Variants in SLC38A3 observed in about 807,000 individuals in gnomAD.
SLC38A3 encodes sodium-coupled neutral amino acid transporter 3.
SLC38A3 carries 17 observed loss-of-function variants against 59.5 expected under a neutral mutation model. The observed-to-expected ratio is 0.29, with a 90% CI of 0.20 to 0.43. The LOEUF is 0.43. SLC38A3 is among the 20% of genes least tolerant of loss of function. The probability of loss-of-function intolerance (pLI) is 1.00; values close to 1 mark genes in which losing one functional copy is unlikely to be tolerated. For synonymous variants in SLC38A3, 238 were observed against 260.3 expected (o/e 0.91, Z 0.82); for missense variants, 454 against 653.9 (o/e 0.69, Z 3.33).
chr3:50,206,485 A>C (rs2109147400), intron 1 of SLC38A3, among the ~76,000 whole-genome samples: 1 of 152,352 alleles, frequency 6.6e-6, no homozygotes, highest in Admixed American at 6.5e-5. Flanking sequence ...TCTGGAAAGG[A>C]AGCACATCCC....
At chr3:50,208,930 G>A (rs1251276552) in intron 1 of SLC38A3, among the ~76,000 whole-genome samples, 2 of 152,166 alleles carry the variant, frequency 1.3e-5, no homozygotes, top group African/African-American at 4.8e-5. Context: ...CCCTCCTCCA[G>A]GCCGACCTTG....
rs774007796 is a variant in SLC38A3 at position 50,214,392 on chromosome 3, G to A, written c.102-10G>A. On this transcript the variant is annotated splice_polypyrimidine_tract_variant and intron_variant, in intron 2 of 15. Transcript: ENST00000614032. The surrounding 1 kb of genome is among the most constrained non-coding windows in gnomAD (Gnocchi z 6.0). ...GGAGCTGAGCCACCCACCCTGACCTGTGCCTACAGGGTCGAGGACCCTGCA... is the reference window on the plus strand; with the variant it reads ...GGAGCTGAGCCACCCACCCTGACCTATGCCTACAGGGTCGAGGACCCTGCA... 4 of 1,596,278 alleles carry A rather than the reference G, an allele frequency of 2.5e-6. No individual in the cohort carries two copies. Among genetic ancestry groups the A allele is most frequent in the Non-Finnish European group, 3.4e-6 (4 of 1,171,430 alleles).
At chr3:50,210,810 G>A (rs561073531) in intron 1 of SLC38A3, among the ~76,000 whole-genome samples, 1 of 152,270 alleles carries the variant, frequency 6.6e-6, no homozygotes, top group South Asian at 2.1e-4. Flanking sequence ...AATGGCCTGG[G>A]CCATTGATTT....
Position 50,217,114 on chromosome 3 carries a change from C to T in SLC38A3, c.549-124C>T. 1.4e-6 allele frequency: 1 copy of T among 697,306 alleles called. No homozygotes were observed. The highest frequency in any genetic ancestry group is 2.1e-5 in the Admixed American group (1 of 47,836). 43.2% of individuals were successfully genotyped at this position (697,306 alleles called of 1,614,324 possible). On this transcript the variant is annotated intron_variant, in intron 7 of 15. Coordinates refer to ENST00000614032, the MANE Select transcript of SLC38A3 (RefSeq NM_006841.6). The surrounding 1 kb of genome is among the most constrained non-coding windows in gnomAD (Gnocchi z 4.9). ...CAGATGGGGAAAGTGAGACTCAGAGCTGTGGACAAACATTCTTCAGATGTC... is the reference window on the plus strand; with the variant it reads ...CAGATGGGGAAAGTGAGACTCAGAGTTGTGGACAAACATTCTTCAGATGTC...
Position 50,214,493 on chromosome 3 carries a change from GC to G in SLC38A3, c.183+11del. On this transcript the variant is annotated intron_variant, in intron 3 of 15. Transcript: ENST00000614032. The surrounding 1 kb of genome is among the most constrained non-coding windows in gnomAD (Gnocchi z 6.0). ...GCCACACTTCACTGACGTGAGCAGGGCAGCAACGGGTTTTAGGGGACACTGT... is the reference window on the plus strand; with the variant it reads ...GCCACACTTCACTGACGTGAGCAGGGAGCAACGGGTTTTAGGGGACACTGT... 1 of 1,558,746 alleles carries G rather than the reference GC, an allele frequency of 6.4e-7. No homozygotes were observed. Among genetic ancestry groups the G allele is most frequent in the Admixed American group, 1.9e-5 (1 of 51,566 alleles).
chr3:50,208,958 G>A (rs899543021), intron 1 of SLC38A3, among the ~76,000 whole-genome samples: 13 of 152,106 alleles, frequency 8.5e-5, no homozygotes, highest in Non-Finnish European at 1.9e-4. Context: ...CCCCCCATCG[G>A]ACTCTCTGAT....
At position 50,220,349 on chromosome 3, in the gene SLC38A3, C is replaced by T; in HGVS notation, c.*172C>T. 1 of 619,112 alleles carries T rather than the reference C, an allele frequency of 1.6e-6. No individual in the cohort carries two copies. 38.4% of individuals were successfully genotyped at this position (619,112 alleles called of 1,614,324 possible). ...AAGGTTTTTGTTCAAGAGCCAGGAC[C>T]AAGGCCCTTGGGCCACTACCCTGCT... On this transcript the variant is annotated 3_prime_UTR_variant, in exon 16 of 16. Coordinates refer to ENST00000614032, the MANE Select transcript of SLC38A3 (RefSeq NM_006841.6).
Position 50,217,227 on chromosome 3 carries a change from T to A in SLC38A3, c.549-11T>A. 6.2e-7 allele frequency: 1 copy of A among 1,604,086 alleles called. No individual in the cohort carries two copies. Among genetic ancestry groups the A allele is most frequent in the Non-Finnish European group, 8.5e-7 (1 of 1,173,048 alleles). On this transcript the variant is annotated splice_polypyrimidine_tract_variant and intron_variant, in intron 7 of 15. Coordinates refer to ENST00000614032, the MANE Select transcript of SLC38A3 (RefSeq NM_006841.6). The surrounding 1 kb of genome is among the most constrained non-coding windows in gnomAD (Gnocchi z 4.9). ...GATTCTGACCCTGGCTCCCGACTCA[T>A]GTCCCTGCAGGGACTGGTACATGAA...
At chr3:50,206,997 C>G (rs1699655837) in intron 1 of SLC38A3, among the ~76,000 whole-genome samples, 1 of 152,216 alleles carries the variant, frequency 6.6e-6, no homozygotes, top group Non-Finnish European at 1.5e-5. Flanking sequence ...GGTTCATGGT[C>G]TCTGGGTTGA....
At position 50,220,157 on chromosome 3, in the gene SLC38A3, C is replaced by T. The variant is rs1298823073; in HGVS notation, c.1495C>T (p.Arg499Trp). The T allele has an allele frequency of 5.0e-6, 8 of 1,595,826 alleles. No individual in the cohort carries two copies. The highest frequency in any genetic ancestry group is 3.5e-5 in the Admixed American group (2 of 57,910). ...CATTGACTGGGCCTCAGGGACCAGC[C>T]GGCATGGAGGAAACCACTAGGGTGA... ...IIIDWASGTSRHGGNH is the reference protein window; with the variant it reads ...IIIDWASGTSWHGGNH Residue 499 changes from arginine (R) to tryptophan (W), a missense_variant, in exon 16 of 16, where the codon CGG becomes TGG. Arg to Trp is a moderately radical substitution (Grantham distance 101, BLOSUM62 -3). This residue lies in a region of SLC38A3 where 59 missense variants were observed against 70.8 expected (regional missense o/e 0.83). Transcript: ENST00000614032.
chr3:50,214,705 T>A lies in SLC38A3; in HGVS notation c.236T>A (p.Ile79Asn). Residue 79 changes from isoleucine to asparagine, a missense_variant, in exon 4 of 16, where the codon ATC becomes AAC. Ile to Asn is a moderately radical substitution (Grantham distance 149). Transcript: ENST00000614032. This position sits in a 1 kb window ranked among gnomAD's most constrained non-coding sequence, Gnocchi z 6.0. Reference sequence around the variant, plus strand: ...TCAGTGTTCAACCTCAGCAATGCCATCATGGGCAGCGGCATCCTGGGACTC... The same window carrying A: ...TCAGTGTTCAACCTCAGCAATGCCAACATGGGCAGCGGCATCCTGGGACTC... ...GMSVFNLSNAIMGSGILGLAY... is the reference protein window; with the variant it reads ...GMSVFNLSNANMGSGILGLAY... 1 of 1,607,826 alleles carries A rather than the reference T, an allele frequency of 6.2e-7. No individual in the cohort carries two copies.
chr3:50,217,236 A>C lies in SLC38A3; in HGVS notation c.549-2A>C, dbSNP rs1559755488. ...CCTGGCTCCCGACTCATGTCCCTGCAGGGACTGGTACATGAACGGGAACTA... is the reference window on the plus strand; with the variant it reads ...CCTGGCTCCCGACTCATGTCCCTGCCGGGACTGGTACATGAACGGGAACTA... On this transcript the variant is annotated splice_acceptor_variant, in intron 7 of 15. Transcript: ENST00000614032. LOFTEE classifies it high-confidence loss of function. This position sits in a 1 kb window ranked among gnomAD's most constrained non-coding sequence, Gnocchi z 4.9. 6.2e-7 allele frequency: 1 copy of C among 1,609,902 alleles called. No individual in the cohort carries two copies. The highest frequency in any genetic ancestry group is 8.5e-7 in the Non-Finnish European group (1 of 1,177,278).
At chr3:50,210,016 C>T (rs1390571745) in intron 1 of SLC38A3, among the ~76,000 whole-genome samples, 1 of 152,218 alleles carries the variant, frequency 6.6e-6, no homozygotes, top group East Asian at 1.9e-4. Context: ...CCTCCTCCCA[C>T]CTGCTTTGTC....
In SLC38A3 at chr3:50,221,204, G is replaced by A. The variant is rs950325593; in HGVS notation, c.*1027G>A. On this transcript the variant is annotated 3_prime_UTR_variant, in exon 16 of 16. Transcript: ENST00000614032. ...GCTCAGCACAGACCTGCTTTCTCACGGGTTGAGGTGGGGAGGAATTAATGA... is the reference window on the plus strand; with the variant it reads ...GCTCAGCACAGACCTGCTTTCTCACAGGTTGAGGTGGGGAGGAATTAATGA... 2.8e-5 allele frequency: 4 copies of A among 143,956 alleles called. No individual in the cohort carries two copies. The highest frequency in any genetic ancestry group is 7.7e-5 in the African/African-American group (3 of 38,744). 8.9% of individuals were successfully genotyped at this position (143,956 alleles called of 1,614,324 possible).
In SLC38A3 at chr3:50,217,262, C is replaced by G; in HGVS notation, c.573C>G (p.Tyr191Ter). 6.2e-7 allele frequency: 1 copy of G among 1,613,470 alleles called. No homozygotes were observed. The highest frequency in any genetic ancestry group is 8.5e-7 in the Non-Finnish European group (1 of 1,179,670). Residue 191 changes from tyrosine (Y) to a stop codon, truncating the protein, a stop_gained, in exon 8 of 16, where the codon TAC (tyrosine) becomes TAG (stop). Transcript: ENST00000614032. LOFTEE classifies it high-confidence loss of function. This position sits in a 1 kb window ranked among gnomAD's most constrained non-coding sequence, Gnocchi z 4.9. ...GGGACTGGTACATGAACGGGAACTA[C>G]CTGGTAATCCTTGTCTCTGTCACCA... Reference protein sequence around the residue: ...KTSDWYMNGNYLVILVSVTII... With the variant: ...KTSDWYMNGN
At chr3:50,206,291 C>T (rs1254405413) in intron 1 of SLC38A3, among the ~76,000 whole-genome samples, 2 of 152,258 alleles carry the variant, frequency 1.3e-5, no homozygotes, top group Non-Finnish European at 2.9e-5. Context: ...GTCAAAGGCT[C>T]TTGAGCCCTG....
At position 50,214,901 on chromosome 3, in the gene SLC38A3, CG is replaced by C. The variant is rs969238538; in HGVS notation, c.299+134del. The C allele has an allele frequency of 1.3e-5, 9 of 675,918 alleles. No homozygotes were observed. The African/African-American group carries it at 1.5e-4, about 11-fold the overall frequency. 41.9% of individuals were successfully genotyped at this position (675,918 alleles called of 1,614,324 possible). A position where few individuals can be genotyped will look rare whatever the true frequency, so the allele number is the denominator to read the frequency against. On this transcript the variant is annotated intron_variant, in intron 4 of 15. Coordinates refer to ENST00000614032, the MANE Select transcript of SLC38A3 (RefSeq NM_006841.6). The surrounding 1 kb of genome is among the most constrained non-coding windows in gnomAD (Gnocchi z 6.0). ...GTGGGCACTTCTTACACTAACAAAC[CG>C]CGGCTGAAAAAAACATCCACAGCCA... is the stretch of plus-strand genomic sequence containing the variant.
In SLC38A3 at chr3:50,215,445, C is replaced by A; in HGVS notation, c.359C>A (p.Ser120Tyr). 6.2e-7 allele frequency: 1 copy of A among 1,614,004 alleles called. No homozygotes were observed. Among genetic ancestry groups the A allele is most frequent in the Non-Finnish European group, 8.5e-7 (1 of 1,179,882 alleles). ...SSYSIHLLLK[S>Y]SGVVGIRAYE... is the part of the protein sequence containing the mutation. ...TACTCCATCCACCTGCTACTCAAGT[C>A]CTCAGGGGTCGTGGGTGAGCCTCAC... is the stretch of plus-strand genomic sequence containing the variant. The change falls in exon 5 of 16, where the codon TCC becomes TAC. Residue 120 changes from serine to tyrosine, a missense_variant. Coordinates refer to ENST00000614032, the MANE Select transcript of SLC38A3 (RefSeq NM_006841.6). This position sits in a 1 kb window ranked among gnomAD's most constrained non-coding sequence, Gnocchi z 7.1.
Position 50,215,832 on chromosome 3 carries a change from G to A in SLC38A3, c.548+11G>A. 3 of 1,542,362 alleles carry A rather than the reference G, an allele frequency of 1.9e-6. No homozygotes were observed. Among genetic ancestry groups the A allele is most frequent in the Non-Finnish European group, 2.6e-6 (3 of 1,137,888 alleles). ...GGAGGAGAAAACCTCGTGAGCCCTG[G>A]CGTGGGGAGGGGAGGGGAGGGGTGC... On this transcript the variant is annotated intron_variant, in intron 7 of 15. Coordinates refer to ENST00000614032, the MANE Select transcript of SLC38A3 (RefSeq NM_006841.6). The surrounding 1 kb of genome is among the most constrained non-coding windows in gnomAD (Gnocchi z 7.1).
Sources: gnomAD v4.1 joint callset for allele counts (sites outside exome capture counted in the v4.1 genomes callset) on GRCh38, gnomAD v4.1.1 for gene constraint, gnomAD v4.1.1 regional missense constraint, Gnocchi (gnomAD v3.1) non-coding constraint, MANE v1.5 for transcripts, NCBI Gene and HGNC (gene_info 2026-07-23, HGNC 2026-07-21) for gene names.